Variants in TENM3 observed in about 807,000 individuals in gnomAD.
The protein encoded by TENM3 is teneurin transmembrane protein 3.
A neutral mutation model predicts 255.1 loss-of-function variants in TENM3; 63 were observed. That is an observed-to-expected ratio of 0.25 (90% CI 0.20 to 0.30). TENM3 has a LOEUF of 0.30. TENM3 is among the 10% of genes least tolerant of loss of function. The pLI is 1.00. For synonymous variants in TENM3, 1,306 were observed against 1,322.3 expected, an observed-to-expected ratio of 0.99 and a Z score of 0.27; for missense variants, 2,929 against 3,461.1, an observed-to-expected ratio of 0.85 and a Z score of 3.86.
chr4:182,669,708 T>G (rs976635041), intron 6 of TENM3, among the ~76,000 whole-genome samples: 1 of 152,226 alleles, frequency 6.6e-6, no homozygotes. Context: ...ATAGACAAAT[T>G]TAAAACTTAG....
chr4:182,269,522 C>T (rs1458992329), intron 1 of TENM3, among the ~76,000 whole-genome samples: 1 of 152,062 alleles, frequency 6.6e-6, no homozygotes, highest in Non-Finnish European at 1.5e-5. Context: ...AACAAGGAAT[C>T]AGCCCCTCCC....
At chr4:182,200,024 C>T (rs543330423) in intron 1 of TENM3, among the ~76,000 whole-genome samples, 2 of 152,096 alleles carry the variant, frequency 1.3e-5, no homozygotes, top group East Asian at 1.9e-4. Context: ...TGTGCCCAGC[C>T]GCATATTTTA....
At chr4:181,458,492 A>G in the TENM3 span, among the ~76,000 whole-genome samples, 8 of 151,910 alleles carry the variant, frequency 5.3e-5, no homozygotes, top group Non-Finnish European at 8.8e-5. Flanking sequence ...ATGCTTTTTG[A>G]AAAAACAAGA....
At chr4:182,778,417 C>G (rs1382460505) in intron 24 of TENM3, among the ~76,000 whole-genome samples, 1 of 152,164 alleles carries the variant, frequency 6.6e-6, no homozygotes, top group East Asian at 1.9e-4. Context: ...AGCGGCACGG[C>G]CTAGCGTGGG....
chr4:182,015,838 C>T, the TENM3 span, among the ~76,000 whole-genome samples: 1 of 152,106 alleles, frequency 6.6e-6, no homozygotes, highest in Admixed American at 6.6e-5. Context: ...TGAGCCACTG[C>T]GCCTGGCCTG....
At chr4:181,580,017 G>T in the TENM3 span, among the ~76,000 whole-genome samples, 1 of 146,922 alleles carries the variant, frequency 6.8e-6, no homozygotes, top group Non-Finnish European at 1.5e-5. Context: ...TATTTTTTGA[G>T]ATGGAGCTTC....
At chr4:182,314,288 G>C (rs375562181) in intron 1 of TENM3, among the ~76,000 whole-genome samples, 11 of 151,500 alleles carry the variant, frequency 7.3e-5, no homozygotes, top group Admixed American at 2.6e-4. Context: ...GCGACAGAGC[G>C]AGACTCCGTC....
chr4:182,248,651 G>A (rs182779060), intron 1 of TENM3, among the ~76,000 whole-genome samples: 2 of 152,160 alleles, frequency 1.3e-5, no homozygotes, highest in Non-Finnish European at 2.9e-5. Flanking sequence ...TTTTAAAATA[G>A]CATCTGCATT....
rs1199854656 is a variant in TENM3 at position 182,687,806 on chromosome 4, A to G, written c.2036-360A>G. ...TTAATTTGGGGATGGGGGTGTGGGGACATGTTTTCTTGGTGATAGGTGTAT... is the reference window on the plus strand; with the variant it reads ...TTAATTTGGGGATGGGGGTGTGGGGGCATGTTTTCTTGGTGATAGGTGTAT... On this transcript the variant is annotated intron_variant, in intron 11 of 27. Coordinates refer to ENST00000511685, the MANE Select transcript of TENM3 (RefSeq NM_001080477.4). Among the ~76,000 whole-genome samples the G allele has an allele frequency of 3.3e-5, 5 of 152,068 alleles. No homozygotes were observed. In the East Asian group the frequency reaches 7.7e-4, roughly 24 times the overall value.
intron 3 of TENM3, among the ~76,000 whole-genome samples, chr4:182,390,703 C>A (rs1178107101): frequency 2.0e-5 from 3 of 152,280 alleles, no homozygotes; most frequent in Admixed American, 6.5e-5. Flanking sequence ...CACTGCCGTC[C>A]CCATCTCTCC....
intron 1 of TENM3, among the ~76,000 whole-genome samples, chr4:182,181,947 G>A (rs943667763): frequency 2.6e-5 from 4 of 151,200 alleles, no homozygotes; most frequent in Non-Finnish European, 5.9e-5. Context: ...TCGATAGGTA[G>A]TATGTCCTTT....
At chr4:181,615,853 T>G in the TENM3 span, among the ~76,000 whole-genome samples, 2 of 152,218 alleles carry the variant, frequency 1.3e-5, no homozygotes, top group Non-Finnish European at 2.9e-5. Context: ...TATTAGGAGC[T>G]AATACTTCTT....
the TENM3 span, among the ~76,000 whole-genome samples, chr4:182,130,765 T>A: frequency 6.6e-6 from 1 of 152,002 alleles, no homozygotes; most frequent in African/African-American, 2.4e-5. Context: ...GATTTTAGCA[T>A]CATTTCACAC....
At chr4:181,844,196 G>A in the TENM3 span, among the ~76,000 whole-genome samples, 11 of 152,034 alleles carry the variant, frequency 7.2e-5, no homozygotes, top group African/African-American at 1.7e-4. Context: ...CAAAGCCCTC[G>A]TGACGTAATC....
At chr4:182,569,090 G>A (rs2152006782) in intron 3 of TENM3, among the ~76,000 whole-genome samples, 1 of 152,334 alleles carries the variant, frequency 6.6e-6, no homozygotes, top group East Asian at 1.9e-4. Flanking sequence ...GGCACACACA[G>A]TTGTCAAATT....
chr4:181,605,109 G>A, the TENM3 span, among the ~76,000 whole-genome samples: 1 of 152,038 alleles, frequency 6.6e-6, no homozygotes, highest in Admixed American at 6.5e-5. Context: ...AACCCTATTA[G>A]CTCATGGGGT....
At chr4:182,029,030 C>T in the TENM3 span, among the ~76,000 whole-genome samples, 8 of 152,076 alleles carry the variant, frequency 5.3e-5, no homozygotes, top group African/African-American at 1.9e-4. Flanking sequence ...ATACCTGAGA[C>T]TGGGCAATTT....
At chr4:181,876,438 T>A in the TENM3 span, among the ~76,000 whole-genome samples, 1 of 151,802 alleles carries the variant, frequency 6.6e-6, no homozygotes, top group East Asian at 1.9e-4. Flanking sequence ...GGCACTTATT[T>A]TGAGAGAGTG....
rs796525038 is a variant in TENM3, at chr4:182,146,782, C to T, written c.-76+2028C>T. On this transcript the variant is annotated intron_variant, in intron 1 of 2. Coordinates refer to the TENM3 transcript ENST00000512480. ...AATAGCTTTATGTTAGCAACCTATGCACCCTAATGAGGATTACTTGATTAT... is the reference window on the plus strand; with the variant it reads ...AATAGCTTTATGTTAGCAACCTATGTACCCTAATGAGGATTACTTGATTAT... Among the ~76,000 whole-genome samples, 52 of 152,270 alleles carry T rather than the reference C, an allele frequency of 3.4e-4. 1 individual carries two copies. Among genetic ancestry groups the T allele is most frequent in the African/African-American group, 1.1e-3 (47 of 41,562 alleles).
Sources: allele counts gnomAD v4.1 joint callset (sites outside exome capture counted in the v4.1 genomes callset), GRCh38; gene constraint gnomAD v4.1.1; transcripts MANE v1.5; gene names NCBI Gene and HGNC (gene_info 2026-07-23, HGNC 2026-07-21).